Variants in SRSF10 observed in about 807,000 individuals in gnomAD.
SRSF10 encodes serine/arginine-rich splicing factor 10.
SRSF10 carries 9 observed loss-of-function variants against 32.6 expected under a neutral mutation model. That is an observed-to-expected ratio of 0.28 (90% CI 0.17 to 0.48). SRSF10 has a LOEUF of 0.48. Among genes scored for constraint, SRSF10 ranks in the 20% least tolerant of loss-of-function variants. The pLI is 0.99. For missense variants in SRSF10, 201 were observed against 331.8 expected (o/e 0.61, Z 3.06); for synonymous variants, 105 against 112.4 (o/e 0.93, Z 0.42).
At chr1:23,974,558 C>T (rs1239074175) in intron 3 of SRSF10, among the ~76,000 whole-genome samples, 2 of 152,190 alleles carry the variant, frequency 1.3e-5, no homozygotes, top group African/African-American at 4.8e-5. Flanking sequence ...CACAGTAGCT[C>T]ACGCCTGTAA....
At chr1:23,978,269 A>T in intron 2 of SRSF10, 2 of 989,130 alleles carry the variant, frequency 2.0e-6, no homozygotes, top group Non-Finnish European at 2.4e-6. Context: ...ACAGCTTTAC[A>T]TTCTCTGAGG....
chr1:23,978,486 C>A (rs1243932872), intron 2 of SRSF10, among the ~76,000 whole-genome samples: 1 of 152,154 alleles, frequency 6.6e-6, no homozygotes, highest in Non-Finnish European at 1.5e-5. Flanking sequence ...CATATATAAT[C>A]ATCGATATGA....
At position 23,966,525 on chromosome 1, in the gene SRSF10, G is replaced by GTA. The variant is rs1277039450; in HGVS notation, c.*4615_*4616dup. ...AAATGTACATGTAAATCACTAAAAAGTATAATTTGGTGAACATTTTCTCAA... is the reference window on the plus strand; with the variant it reads ...AAATGTACATGTAAATCACTAAAAAGTATATAATTTGGTGAACATTTTCTCAA... On this transcript the variant is annotated 3_prime_UTR_variant, in exon 6 of 6. Transcript: ENST00000492112. The GTA allele has an allele frequency of 1.3e-5, 2 of 151,940 alleles. No homozygotes were observed. Among genetic ancestry groups the GTA allele is most frequent in the African/African-American group, 4.8e-5 (2 of 41,428 alleles). 9.4% of individuals were successfully genotyped at this position (151,940 alleles called of 1,614,324 possible). A position where few individuals can be genotyped will look rare whatever the true frequency, so the allele number is the denominator to read the frequency against.
intron 3 of SRSF10, among the ~76,000 whole-genome samples, chr1:23,973,495 A>AT (rs1365780390): frequency 1.3e-5 from 2 of 151,936 alleles, no homozygotes; most frequent in South Asian, 2.1e-4. Context: ...TTTTTATTTT[A>AT]TTTTTTGTGG....
chr1:23,971,111 A>G lies in SRSF10; in HGVS notation c.*31T>C. On this transcript the variant is annotated 3_prime_UTR_variant, in exon 6 of 6. Transcript: ENST00000492112. ...ACCAAACTATGAGTAAATGAATGAT[A>G]CATGCCTAAAAATGACCATGGTTTA... is the stretch of plus-strand genomic sequence containing the variant. 1 of 1,560,520 alleles carries G rather than the reference A, an allele frequency of 6.4e-7. No individual in the cohort carries two copies. The highest frequency in any genetic ancestry group is 8.6e-7 in the Non-Finnish European group (1 of 1,158,140).
At chr1:23,977,432 AG>A (rs1380170807) in intron 2 of SRSF10, 1 of 152,300 alleles carries the variant, frequency 6.6e-6, no homozygotes, top group Non-Finnish European at 1.5e-5. Context: ...AAAGCAGCGC[AG>A]GGCCAGCAGT....
At position 23,964,501 on chromosome 1, in the gene SRSF10, C is replaced by A. The variant is rs1184771381; in HGVS notation, c.*6641G>T. Among the ~76,000 whole-genome samples, 4 of 151,954 alleles carry A rather than the reference C, an allele frequency of 2.6e-5. No individual in the cohort carries two copies. The highest frequency in any genetic ancestry group is 5.9e-5 in the Non-Finnish European group (4 of 67,870). ...CCATACTGTGAACCTTAGGTAAATG[C>A]TGTAATTTCAATTTGTCTTCTTTTC... On this transcript the variant is annotated 3_prime_UTR_variant, in exon 6 of 6. Coordinates refer to ENST00000492112, the MANE Select transcript of SRSF10 (RefSeq NM_054016.4).
chr1:23,972,108 A>T, intron 3 of SRSF10, 96 bp from the exon 4 acceptor site: 2 of 1,073,692 alleles, frequency 1.9e-6, no homozygotes, highest in South Asian at 4.3e-5. Flanking sequence ...CCCCTCTTAT[A>T]TCCCAAAGAG....
rs566614631 is a variant in SRSF10 at position 23,968,089 on chromosome 1, G to A, written c.*3053C>T. 4.8e-3 allele frequency: 6,960 copies of A among 1,443,710 alleles called. 19 individuals carry two copies. The highest frequency in any genetic ancestry group is 5.7e-3 in the Non-Finnish European group (6,189 of 1,091,398). The allele number at this position is 1,443,710 out of a possible 1,614,324, so 89.4% of individuals were successfully genotyped here. A position where few individuals can be genotyped will look rare whatever the true frequency, so the allele number is the denominator to read the frequency against. ...CAGTCATACACAGTAGGTAAACTCA[G>A]TAAGTGGGGGACTCAACTACATCAC... is the stretch of plus-strand genomic sequence containing the variant. On this transcript the variant is annotated 3_prime_UTR_variant, in exon 6 of 6. Transcript: ENST00000492112.
At chr1:23,976,551 T>C (rs1642103480) in intron 2 of SRSF10, 1 of 152,228 alleles carries the variant, frequency 6.6e-6, no homozygotes, top group Non-Finnish European at 1.5e-5. Flanking sequence ...ATGGGTACAC[T>C]ACTTTGTTAC....
rs375505132 is a variant in SRSF10, at chr1:23,968,943, G to A, written c.*2199C>T. On this transcript the variant is annotated 3_prime_UTR_variant, in exon 6 of 6. Transcript: ENST00000492112. ...TGTAAAAGATGTACCTTTCTGGCAA[G>A]TTCTATCATTTCCAAAGTAAAAGTT... 444 of 251,748 alleles carry A rather than the reference G, an allele frequency of 1.8e-3. 1 individual carries two copies. The highest frequency in any genetic ancestry group is 8.3e-3 in the African/African-American group (359 of 43,292). 15.6% of individuals were successfully genotyped at this position (251,748 alleles called of 1,614,324 possible).
rs749787829 is a variant in SRSF10 at position 23,970,811 on chromosome 1, A to G, written c.*331T>C. 63 of 1,067,740 alleles carry G rather than the reference A, an allele frequency of 5.9e-5. No homozygotes were observed. Among genetic ancestry groups the G allele is most frequent in the Non-Finnish European group, 7.0e-5 (62 of 883,250 alleles). 66.1% of individuals were successfully genotyped at this position (1,067,740 alleles called of 1,614,324 possible). A position where few individuals can be genotyped will look rare whatever the true frequency, so the allele number is the denominator to read the frequency against. ...AGGTTAACAGTTCTACCAAATATGAATATGAAAGTTTATTTTTAATGAGAC... is the reference window on the plus strand; with the variant it reads ...AGGTTAACAGTTCTACCAAATATGAGTATGAAAGTTTATTTTTAATGAGAC... On this transcript the variant is annotated 3_prime_UTR_variant, in exon 6 of 6. Transcript: ENST00000492112.
In SRSF10 at chr1:23,980,248, C is replaced by T; in HGVS notation, c.8G>A (p.Arg3His). 1 of 1,501,000 alleles carries T rather than the reference C, an allele frequency of 6.7e-7. No individual in the cohort carries two copies. Among genetic ancestry groups the T allele is most frequent in the African/African-American group, 1.5e-5 (1 of 68,908 alleles). 93.0% of individuals were successfully genotyped at this position (1,501,000 alleles called of 1,614,324 possible). A position where few individuals can be genotyped will look rare whatever the true frequency, so the allele number is the denominator to read the frequency against. Residue 3 changes from arginine to histidine, a missense_variant, in exon 1 of 6, where the codon CGC becomes CAC. Coordinates refer to ENST00000492112, the MANE Select transcript of SRSF10 (RefSeq NM_054016.4). ...AGACGTGTTGGGGGGACGCAGGTAG[C>T]GGGACATGGCGGCGGCGTGTCTCGG... MS[R>H]YLRPPNTSLF...
rs575737480 is a variant in SRSF10 at position 23,968,158 on chromosome 1, T to G, written c.*2984A>C. Reference sequence around the variant, plus strand: ...ACTACGTAAAGATCCTCATCAAGTATCAGTAGGATCCAAACTACCATGGGT... The same window carrying G: ...ACTACGTAAAGATCCTCATCAAGTAGCAGTAGGATCCAAACTACCATGGGT... On this transcript the variant is annotated 3_prime_UTR_variant, in exon 6 of 6. Coordinates refer to ENST00000492112, the MANE Select transcript of SRSF10 (RefSeq NM_054016.4). 6.6e-6 allele frequency among the ~76,000 whole-genome samples: 1 copy of G among 152,204 alleles called. No homozygotes were observed. Among genetic ancestry groups the G allele is most frequent in the South Asian group, 2.1e-4 (1 of 4,822 alleles).
Position 23,971,960 on chromosome 1 carries a change from G to C in SRSF10, c.327C>G (p.Arg109=). 6.3e-7 allele frequency: 1 copy of C among 1,586,724 alleles called. No homozygotes were observed. Among genetic ancestry groups the C allele is most frequent in the Non-Finnish European group, 8.5e-7 (1 of 1,170,808 alleles). Residue 109 remains arginine (R), a synonymous_variant, in exon 4 of 6, where the codon CGC becomes CGG. Transcript: ENST00000492112. ...KEGRNVYSSS[R]YDDYDRYRRS... ...GTCTGTATCTGTCATAATCATCATA[G>C]CGTGAAGAACTGTACACATTCCTCC...
chr1:23,973,476 C>G (rs895201136), intron 3 of SRSF10, among the ~76,000 whole-genome samples: 120 of 152,278 alleles, frequency 7.9e-4, no homozygotes, highest in African/African-American at 2.7e-3. Context: ...ACTATCAAGC[C>G]TGGCTAATTT....
chr1:23,967,506 A>G lies in SRSF10; in HGVS notation c.*3636T>C, dbSNP rs1481826751. ...TATTTGTCCTAAAATGCTTACTTTC[A>G]AACTTGAAGGGACTTCAATTATTCC... is the stretch of plus-strand genomic sequence containing the variant. On this transcript the variant is annotated 3_prime_UTR_variant, in exon 6 of 6. Transcript: ENST00000492112. The G allele has an allele frequency of 6.0e-6, 3 of 500,548 alleles. No individual in the cohort carries two copies. The highest frequency in any genetic ancestry group is 1.1e-5 in the Non-Finnish European group (3 of 279,534). 31.0% of individuals were successfully genotyped at this position (500,548 alleles called of 1,614,324 possible). A position where few individuals can be genotyped will look rare whatever the true frequency, so the allele number is the denominator to read the frequency against.
In SRSF10 at chr1:23,967,638, C is replaced by T. The variant is rs1293754278; in HGVS notation, c.*3504G>A. The T allele has an allele frequency of 1.4e-6, 2 of 1,425,098 alleles. No homozygotes were observed. The highest frequency in any genetic ancestry group is 3.4e-5 in the Admixed American group (2 of 59,684). The allele number at this position is 1,425,098 out of a possible 1,614,324, so 88.3% of individuals were successfully genotyped here. A position where few individuals can be genotyped will look rare whatever the true frequency, so the allele number is the denominator to read the frequency against. On this transcript the variant is annotated 3_prime_UTR_variant, in exon 6 of 6. Transcript: ENST00000492112. ...ACCCACCCTTTGGTCGCTTGAACTG[C>T]CCTTCTTTGGTTCTTTTTCCGCTTT...
intron 3 of SRSF10, among the ~76,000 whole-genome samples, chr1:23,974,293 G>A (rs1365675332): frequency 1.3e-5 from 2 of 152,036 alleles, no homozygotes; most frequent in Non-Finnish European, 2.9e-5. Context: ...TTAGTATCTT[G>A]CCCAAGGTAA....
Sources: allele counts gnomAD v4.1 joint callset (sites outside exome capture counted in the v4.1 genomes callset), GRCh38; gene constraint gnomAD v4.1.1; transcripts MANE v1.5; gene names NCBI Gene and HGNC (gene_info 2026-07-23, HGNC 2026-07-21).